The following DCC variants were observed in gnomAD, a reference collection of about 807,000 sequenced individuals.
DCC encodes netrin receptor DCC.
In DCC, 58 loss-of-function variants were observed where a neutral mutation model predicts 172.5. That is an observed-to-expected ratio of 0.34 (90% CI 0.27 to 0.42). The LOEUF is 0.42. Among genes scored for constraint, DCC ranks in the 10% least tolerant of loss-of-function variants. The pLI, the probability that DCC is intolerant of heterozygous loss-of-function variation, is 1.00. For missense variants in DCC, 1,740 were observed against 1,791.0 expected, an observed-to-expected ratio of 0.97 and a Z score of 0.51; for synonymous variants, 709 against 644.5, an observed-to-expected ratio of 1.10 and a Z score of -1.52.
chr18:53,321,921 C>A lies in DCC; in HGVS notation c.2054-126C>A, dbSNP rs2057415727. Reference sequence around the variant, plus strand: ...CTTTTAGTCAAAATAATCATTACCACAACAGTCACAAACAATGTAAAGCAT... The same window carrying A: ...CTTTTAGTCAAAATAATCATTACCAAAACAGTCACAAACAATGTAAAGCAT... On this transcript the variant is annotated intron_variant, in intron 13 of 28. Transcript: ENST00000442544. 4.0e-6 allele frequency: 3 copies of A among 747,120 alleles called. No individual in the cohort carries two copies. In the Admixed American group the frequency reaches 5.4e-5, roughly 13 times the overall value. 46.3% of individuals were successfully genotyped at this position (747,120 alleles called of 1,614,324 possible).
At chr18:53,216,211 A>G (rs1048850292) in intron 12 of DCC, among the ~76,000 whole-genome samples, 1 of 152,178 alleles carries the variant, frequency 6.6e-6, no homozygotes. Flanking sequence ...TTTTCTAGAA[A>G]CATGTCATTA....
rs1371288853 is a variant in DCC at position 52,925,405 on chromosome 18, C to A, written c.985+35C>A. On this transcript the variant is annotated intron_variant, in intron 5 of 28. Transcript: ENST00000442544. ...TGGCTGGAGATGAGTTTATATTGTA[C>A]CTTTCAAAGTATATCACCGCGACAT... is the stretch of plus-strand genomic sequence containing the variant. 5.6e-6 allele frequency: 9 copies of A among 1,601,922 alleles called. No individual in the cohort carries two copies. The Admixed American group carries it at 1.2e-4, about 21-fold the overall frequency.
At chr18:52,808,998 G>A (rs1256254002) in intron 2 of DCC, among the ~76,000 whole-genome samples, 2 of 152,150 alleles carry the variant, frequency 1.3e-5, no homozygotes, top group Non-Finnish European at 2.9e-5. Flanking sequence ...GTCTACAAAA[G>A]CGTATGCCTG....
intron 14 of DCC, among the ~76,000 whole-genome samples, chr18:53,324,070 A>G (rs1267312008): frequency 6.6e-6 from 1 of 152,214 alleles, no homozygotes; most frequent in Admixed American, 6.5e-5. Context: ...TTAGAATTGC[A>G]TTTTGTAGAG....
intron 2 of DCC, among the ~76,000 whole-genome samples, chr18:52,807,232 G>A (rs901105090): frequency 3.9e-5 from 6 of 152,072 alleles, no homozygotes; most frequent in African/African-American, 7.2e-5. Flanking sequence ...CTTTACCTAG[G>A]TCACATAGGC....
At chr18:52,670,464 G>T (rs2035531425) in intron 1 of DCC, among the ~76,000 whole-genome samples, 1 of 152,334 alleles carries the variant, frequency 6.6e-6, no homozygotes, top group Middle Eastern at 3.4e-3. Context: ...TCATGGTTGA[G>T]AAAATTATTA....
At chr18:52,795,099 T>A (rs1021988800) in intron 2 of DCC, among the ~76,000 whole-genome samples, 2 of 152,050 alleles carry the variant, frequency 1.3e-5, no homozygotes, top group Admixed American at 6.5e-5. Context: ...TGTGTTTTTT[T>A]AAAATCTTTG....
intron 15 of DCC, among the ~76,000 whole-genome samples, chr18:53,362,557 G>C (rs1260822000): frequency 6.6e-6 from 1 of 150,472 alleles, no homozygotes; most frequent in Non-Finnish European, 1.5e-5. Flanking sequence ...AGAGAAAACA[G>C]ATCTTGTCAG....
At chr18:53,213,647 C>CAAAAAAAAAAA (rs34284373) in intron 11 of DCC, among the ~76,000 whole-genome samples, 1 of 35,378 alleles carries the variant, frequency 2.8e-5, no homozygotes, top group African/African-American at 6.0e-5. Context: ...GACTCCGTCT[C>CAAAAAAAAAAA]AAAAAAAAAA....
intron 2 of DCC, among the ~76,000 whole-genome samples, chr18:52,846,711 T>G (rs922975720): frequency 1.3e-5 from 2 of 151,216 alleles, no homozygotes; most frequent in Non-Finnish European, 2.9e-5. Context: ...AAATGGTGTG[T>G]CAGGTCTGAC....
intron 12 of DCC, among the ~76,000 whole-genome samples, chr18:53,253,110 T>A (rs2056459381): frequency 6.6e-6 from 1 of 151,854 alleles, no homozygotes. Context: ...ATGAAAAAAA[T>A]GAGCTTAATT....
At chr18:52,797,129 C>T (rs1049343442) in intron 2 of DCC, among the ~76,000 whole-genome samples, 1 of 151,584 alleles carries the variant, frequency 6.6e-6, no homozygotes, top group African/African-American at 2.4e-5. Flanking sequence ...CTTAACATAT[C>T]TGTTTCTTTT....
At chr18:52,679,225 A>G (rs1393839622) in intron 1 of DCC, among the ~76,000 whole-genome samples, 1 of 152,042 alleles carries the variant, frequency 6.6e-6, no homozygotes, top group South Asian at 2.1e-4. Context: ...TATAATTACC[A>G]TCATAATTTT....
chr18:53,490,265 T>C (rs140830349), intron 26 of DCC, among the ~76,000 whole-genome samples: 1 of 152,132 alleles, frequency 6.6e-6, no homozygotes, highest in African/African-American at 2.4e-5. Flanking sequence ...TGTAAAAATA[T>C]TGTGTTACGT....
intron 5 of DCC, among the ~76,000 whole-genome samples, chr18:52,935,333 A>G (rs1202254042): frequency 6.6e-6 from 1 of 151,540 alleles, no homozygotes; most frequent in Non-Finnish European, 1.5e-5. Context: ...AAGGTATGAT[A>G]TATATTTTAG....
At chr18:53,447,553 G>C (rs1027676166) in intron 22 of DCC, among the ~76,000 whole-genome samples, 1 of 152,090 alleles carries the variant, frequency 6.6e-6, no homozygotes, top group Non-Finnish European at 1.5e-5. Flanking sequence ...AATAGAAGTA[G>C]AAATTTGAGT....
At chr18:53,142,411 C>T (rs2043844551) in intron 7 of DCC, among the ~76,000 whole-genome samples, 1 of 152,176 alleles carries the variant, frequency 6.6e-6, no homozygotes. Context: ...AAACTTAACA[C>T]TGTCGTTGTT....
chr18:53,024,805 GT>G (rs1165691978), intron 5 of DCC, among the ~76,000 whole-genome samples: 1 of 152,130 alleles, frequency 6.6e-6, no homozygotes, highest in African/African-American at 2.4e-5. Flanking sequence ...TGTAGTTGTT[GT>G]TTCTTAATAG....
At chr18:52,416,201 C>A (rs1405852112) in intron 1 of DCC, among the ~76,000 whole-genome samples, 2 of 152,088 alleles carry the variant, frequency 1.3e-5, no homozygotes, top group Non-Finnish European at 2.9e-5. Context: ...GTTTCTTAAT[C>A]CTGAGTTCTA....
Sources: gnomAD v4.1 joint callset for allele counts (sites outside exome capture counted in the v4.1 genomes callset) on GRCh38, gnomAD v4.1.1 for gene constraint, MANE v1.5 for transcripts, NCBI Gene and HGNC (gene_info 2026-07-23, HGNC 2026-07-21) for gene names.